Variants in KDM1B observed in about 807,000 individuals in gnomAD.
KDM1B encodes lysine-specific histone demethylase 2.
Under a neutral mutation model 107.4 loss-of-function variants are expected in KDM1B, and 63 were observed. That is an observed-to-expected ratio of 0.59 (90% confidence interval 0.48 to 0.72). KDM1B has a LOEUF of 0.72. Among genes scored for constraint, KDM1B ranks in the 30% least tolerant of loss-of-function variants. The probability of loss-of-function intolerance (pLI) is 0.00; values close to 1 mark genes in which losing one functional copy is unlikely to be tolerated. For missense variants in KDM1B, 749 were observed against 1,020.8 expected (o/e 0.73, Z 3.63); for synonymous variants, 363 against 363.9 (o/e 1.00, Z 0.03).
chr6:18,208,628 T>TATATATATATATATAA (rs1491350264), intron 17 of KDM1B, among the ~76,000 whole-genome samples: 1 of 16,250 alleles, frequency 6.2e-5, no homozygotes, highest in Non-Finnish European at 1.1e-4. Context: ...TATATATATA[T>TATATATATATATATAA]TTTTTTTTTT....
intron 17 of KDM1B, among the ~76,000 whole-genome samples, chr6:18,208,595 A>G (rs1788547675): frequency 1.8e-5 from 1 of 56,102 alleles, no homozygotes; most frequent in Non-Finnish European, 3.4e-5. Context: ...AAATAGAAGT[A>G]TGTGTATGTA....
Position 18,162,574 on chromosome 6 carries a change from C to T in KDM1B, c.216-261C>T, listed in dbSNP as rs1221737263. On this transcript the variant is annotated intron_variant, in intron 4 of 21. Coordinates refer to ENST00000650836, the MANE Select transcript of KDM1B (RefSeq NM_001364614.2). The surrounding 1 kb of genome is among the most constrained non-coding windows in gnomAD (Gnocchi z 4.1). ...CATCTGTCCTTTTGTGTCATAAAAC[C>T]CTATCATTGCCCCAAGGAGTCTTCT... Among the ~76,000 whole-genome samples, 4 of 152,112 alleles carry T rather than the reference C, an allele frequency of 2.6e-5. No individual in the cohort carries two copies. The East Asian group carries it at 7.7e-4, about 29-fold the overall frequency.
chr6:18,182,163 C>G (rs759984256), intron 7 of KDM1B, among the ~76,000 whole-genome samples: 3 of 152,052 alleles, frequency 2.0e-5, no homozygotes, highest in Non-Finnish European at 4.4e-5. Flanking sequence ...TTCTTCTCAC[C>G]TCACCTTAGT....
chr6:18,170,723 G>C (rs1428981004), intron 6 of KDM1B, among the ~76,000 whole-genome samples: 2 of 151,988 alleles, frequency 1.3e-5, no homozygotes, highest in African/African-American at 4.8e-5. Flanking sequence ...CAAGCAGTCT[G>C]CCTGCCTCAG....
intron 20 of KDM1B, 66 bp from the exon 21 acceptor site, chr6:18,217,667 T>A: frequency 7.2e-7 from 1 of 1,386,736 alleles, no homozygotes; most frequent in Non-Finnish European, 1.0e-6. Flanking sequence ...CAGGCATGAG[T>A]CACTGCGCCC....
At chr6:18,208,897 G>A (rs214592) in intron 17 of KDM1B, among the ~76,000 whole-genome samples, 6,031 of 149,188 alleles carry the variant, frequency 0.04, 392 homozygotes, top group African/African-American at 0.14. Flanking sequence ...CTCATGATCC[G>A]CCCGCCTCGG....
intron 3 of KDM1B, among the ~76,000 whole-genome samples, chr6:18,161,101 C>T (rs1784945526): frequency 6.6e-6 from 1 of 152,024 alleles, no homozygotes; most frequent in African/African-American, 2.4e-5. Flanking sequence ...TAGTTCTTTG[C>T]TTAGACATCT....
At chr6:18,179,885 G>A (rs1786333762) in intron 7 of KDM1B, among the ~76,000 whole-genome samples, 1 of 113,084 alleles carries the variant, frequency 8.8e-6, no homozygotes, top group Non-Finnish European at 1.7e-5. Flanking sequence ...TTTTCATAAG[G>A]CAGGGTCTCA....
chr6:18,182,154 T>C (rs545853272), intron 7 of KDM1B, among the ~76,000 whole-genome samples: 53 of 152,268 alleles, frequency 3.5e-4, no homozygotes, highest in African/African-American at 1.3e-3. Context: ...TAACTACTTT[T>C]CTTCTCACCT....
chr6:18,217,634 C>T (rs1789351324), intron 20 of KDM1B, 99 bp from the exon 21 acceptor site: 1 of 962,942 alleles, frequency 1.0e-6, no homozygotes, highest in Non-Finnish European at 1.6e-6. Context: ...GCCTTAGCCT[C>T]CCAAAGTGCT....
intron 3 of KDM1B, 129 bp from the exon 4 acceptor site, chr6:18,161,198 C>G: frequency 1.4e-6 from 1 of 740,446 alleles, no homozygotes. Context: ...TATTGTCATC[C>G]CTAACCTACT....
At chr6:18,175,805 C>G (rs1785959892) in intron 7 of KDM1B, among the ~76,000 whole-genome samples, 1 of 152,122 alleles carries the variant, frequency 6.6e-6, no homozygotes, top group Admixed American at 6.6e-5. Context: ...TCTGGGTTCT[C>G]TATTCTGTTT....
rs1211315328 is a variant in KDM1B, at chr6:18,204,506, AAAAG to A, written c.1532-1027_1532-1024del. On this transcript the variant is annotated intron_variant, in intron 14 of 21. Coordinates refer to ENST00000650836, the MANE Select transcript of KDM1B (RefSeq NM_001364614.2). The surrounding 1 kb of genome is among the most constrained non-coding windows in gnomAD (Gnocchi z 4.9). ...AAAAGAAAAAGAAAACACCACCAGA[AAAAG>A]AAACGTGGAGTCTGTGATACATGTT... Among the ~76,000 whole-genome samples the A allele has an allele frequency of 6.6e-6, 1 of 152,156 alleles. No homozygotes were observed. The highest frequency in any genetic ancestry group is 2.1e-4 in the South Asian group (1 of 4,832).
intron 20 of KDM1B, 66 bp from the exon 21 acceptor site, chr6:18,217,667 T>C (rs1211004396): frequency 4.3e-5 from 59 of 1,386,734 alleles, no homozygotes; most frequent in Non-Finnish European, 5.5e-5. Flanking sequence ...CAGGCATGAG[T>C]CACTGCGCCC....
At chr6:18,169,483 C>T (rs1785517581) in intron 6 of KDM1B, among the ~76,000 whole-genome samples, 1 of 152,154 alleles carries the variant, frequency 6.6e-6, no homozygotes, top group Non-Finnish European at 1.5e-5. Flanking sequence ...GCCTCAGCTT[C>T]CCAAAGTTCT....
intron 4 of KDM1B, among the ~76,000 whole-genome samples, 172 bp downstream of exon 4, chr6:18,161,626 G>T (rs898447920): frequency 6.6e-6 from 1 of 151,996 alleles, no homozygotes; most frequent in Non-Finnish European, 1.5e-5. Context: ...CCTCCTCAAG[G>T]CCCTCCCTAC....
In KDM1B at chr6:18,200,329, A is replaced by AAGTTGTTAT; in HGVS notation, c.1222-110_1222-109insAGTTGTTAT. On this transcript the variant is annotated intron_variant, in intron 12 of 21. Transcript: ENST00000650836. This position sits in a 1 kb window ranked among gnomAD's most constrained non-coding sequence, Gnocchi z 4.3. ...AGTTGTTTTTTTAGAAATATTTGGA[A>AAGTTGTTAT]TTAACCAAATATAGAGGCTATTTAA... 1 of 1,100,238 alleles carries AAGTTGTTAT rather than the reference A, an allele frequency of 9.1e-7. No homozygotes were observed. Among genetic ancestry groups the AAGTTGTTAT allele is most frequent in the Non-Finnish European group, 1.3e-6 (1 of 779,162 alleles). The allele number at this position is 1,100,238 out of a possible 1,614,324, so 68.2% of individuals were successfully genotyped here. A position where few individuals can be genotyped will look rare whatever the true frequency, so the allele number is the denominator to read the frequency against.
intron 15 of KDM1B, among the ~76,000 whole-genome samples, chr6:18,206,677 G>A (rs1277250882): frequency 2.0e-5 from 3 of 151,832 alleles, no homozygotes; most frequent in Non-Finnish European, 4.4e-5. Flanking sequence ...CTCCTGCCTC[G>A]GCCTCCCAAA....
At chr6:18,207,859 G>T (rs1788495032) in intron 16 of KDM1B, among the ~76,000 whole-genome samples, 1 of 152,118 alleles carries the variant, frequency 6.6e-6, no homozygotes, top group South Asian at 2.1e-4. Flanking sequence ...GTGTGTTATT[G>T]TAATCATGGG....
Sources: allele counts gnomAD v4.1 joint callset (sites outside exome capture counted in the v4.1 genomes callset), GRCh38; gene constraint gnomAD v4.1.1; non-coding constraint Gnocchi (gnomAD v3.1); transcripts MANE v1.5; gene names NCBI Gene and HGNC (gene_info 2026-07-23, HGNC 2026-07-21).